Variants in TTC27 observed in about 807,000 individuals in gnomAD.
TTC27 encodes tetratricopeptide repeat protein 27.
Under a neutral mutation model 115.9 loss-of-function variants are expected in TTC27, and 79 were observed. The ratio of observed to expected loss-of-function variants is 0.68; its 90% CI spans 0.57 to 0.82. The LOEUF is 0.82. TTC27 is among the 40% of genes least tolerant of loss of function. TTC27 has a pLI of 0.00. For missense variants in TTC27, 1,054 were observed against 993.1 expected (o/e 1.06, Z -0.82); for synonymous variants, 401 against 356.0 (o/e 1.13, Z -1.42).
At chr2:32,804,078 G>A (rs1671052419) in intron 16 of TTC27, among the ~76,000 whole-genome samples, 1 of 151,470 alleles carries the variant, frequency 6.6e-6, no homozygotes, top group Non-Finnish European at 1.5e-5. Context: ...TAAACATTTG[G>A]AAATGTTTAA....
chr2:32,717,453 C>T (rs1223064685), intron 10 of TTC27, among the ~76,000 whole-genome samples: 1 of 152,168 alleles, frequency 6.6e-6, no homozygotes, highest in East Asian at 1.9e-4. Flanking sequence ...AATCAAGGTC[C>T]AGGGGATTCT....
intron 12 of TTC27, among the ~76,000 whole-genome samples, chr2:32,756,179 C>G (rs1669226781): frequency 6.6e-6 from 1 of 152,200 alleles, no homozygotes; most frequent in Admixed American, 6.5e-5. Context: ...CTGGCTAAAG[C>G]AGAAAGGAAT....
intron 9 of TTC27, among the ~76,000 whole-genome samples, chr2:32,688,392 G>A (rs563732107): frequency 4.6e-5 from 7 of 152,126 alleles, no homozygotes; most frequent in South Asian, 4.1e-4. Flanking sequence ...GACACTAAGC[G>A]CATGAACCAT....
intron 12 of TTC27, among the ~76,000 whole-genome samples, chr2:32,740,693 C>A (rs1328241969): frequency 6.6e-6 from 1 of 152,154 alleles, no homozygotes; most frequent in Non-Finnish European, 1.5e-5. Context: ...TCGCTCTTGT[C>A]GCCCAGGCTG....
chr2:32,648,658 C>T (rs994738118), intron 4 of TTC27, among the ~76,000 whole-genome samples: 1 of 151,668 alleles, frequency 6.6e-6, no homozygotes, highest in African/African-American at 2.4e-5. Context: ...AAAGCATCAG[C>T]GAATAAAAGA....
At chr2:32,709,664 C>T (rs1189582060) in intron 10 of TTC27, among the ~76,000 whole-genome samples, 2 of 148,348 alleles carry the variant, frequency 1.3e-5, no homozygotes, top group Non-Finnish European at 2.9e-5. Flanking sequence ...CCTTCTCTTC[C>T]CTATCACTGG....
intron 10 of TTC27, among the ~76,000 whole-genome samples, chr2:32,703,987 G>T (rs112374615): frequency 1.3e-5 from 2 of 152,196 alleles, no homozygotes; most frequent in Admixed American, 1.3e-4. Context: ...GTTCTCATAC[G>T]ACAGAAGAGT....
intron 12 of TTC27, among the ~76,000 whole-genome samples, chr2:32,751,804 T>C (rs1341625801): frequency 6.6e-6 from 1 of 152,236 alleles, no homozygotes; most frequent in Non-Finnish European, 1.5e-5. Flanking sequence ...GCTTCTTGTT[T>C]ATTTTTATCT....
intron 10 of TTC27, among the ~76,000 whole-genome samples, chr2:32,707,745 C>G (rs1480157083): frequency 6.6e-6 from 1 of 152,058 alleles, no homozygotes; most frequent in East Asian, 1.9e-4. Context: ...TTTATATATT[C>G]CATAGCTCTG....
intron 1 of TTC27, 58 bp from the exon 2 acceptor site, chr2:32,630,465 C>T: frequency 7.3e-7 from 1 of 1,375,806 alleles, no homozygotes; most frequent in East Asian, 2.3e-5. Context: ...TAGTGTTATC[C>T]TTTACGGTAT....
rs76730477 is a variant in TTC27, at chr2:32,723,104, G to T, written c.1234-10724G>T. On this transcript the variant is annotated intron_variant, in intron 10 of 19. Transcript: ENST00000317907. Reference sequence around the variant, plus strand: ...GAAAAGTAGGTAATAATAAAGGAATGTATTAATGGGATGAAGTAAAATATA... The same window carrying T: ...GAAAAGTAGGTAATAATAAAGGAATTTATTAATGGGATGAAGTAAAATATA... 6.7e-3 allele frequency among the ~76,000 whole-genome samples: 1,016 copies of T among 152,282 alleles called. 16 individuals are homozygous for T. The highest frequency in any genetic ancestry group is 0.023 in the African/African-American group (972 of 41,552).
chr2:32,733,922 A>G lies in TTC27; in HGVS notation c.1328A>G (p.Gln443Arg). 1 of 1,606,686 alleles carries G rather than the reference A, an allele frequency of 6.2e-7. No homozygotes were observed. The highest frequency in any genetic ancestry group is 8.5e-7 in the Non-Finnish European group (1 of 1,175,348). The change falls in exon 11 of 20, where the codon CAG becomes CGG. Residue 443 changes from glutamine to arginine, a missense_variant and splice_region_variant. Transcript: ENST00000317907. ...CCQVPPHWAI[Q>R]RQLASLLFEL... ...CAAGTACCACCTCACTGGGCCATTC[A>G]GGTATTTCTGTTGTTTGTCATTGGG...
intron 10 of TTC27, among the ~76,000 whole-genome samples, chr2:32,729,359 C>G (rs1338211392): frequency 6.6e-6 from 1 of 152,128 alleles, no homozygotes; most frequent in African/African-American, 2.4e-5. Flanking sequence ...TGGGAAATTC[C>G]TTCTCTGTTG....
intron 4 of TTC27, among the ~76,000 whole-genome samples, chr2:32,645,308 T>G (rs1218485914): frequency 6.6e-6 from 1 of 152,184 alleles, no homozygotes; most frequent in Non-Finnish European, 1.5e-5. Context: ...AGTTAATTTC[T>G]CTGAATATCA....
chr2:32,795,781 G>T (rs1670684240), intron 16 of TTC27, among the ~76,000 whole-genome samples: 1 of 142,566 alleles, frequency 7.0e-6, no homozygotes, highest in Non-Finnish European at 1.5e-5. Context: ...GTTTCACTGT[G>T]TTGGCCAGGC....
At chr2:32,653,910 T>G (rs1665226043) in intron 5 of TTC27, among the ~76,000 whole-genome samples, 1 of 152,184 alleles carries the variant, frequency 6.6e-6, no homozygotes, top group Admixed American at 6.5e-5. Context: ...AAACCTTGAG[T>G]TATCTATCTT....
At chr2:32,801,254 G>T (rs929239657) in intron 16 of TTC27, among the ~76,000 whole-genome samples, 18 of 152,204 alleles carry the variant, frequency 1.2e-4, no homozygotes, top group African/African-American at 4.3e-4. Flanking sequence ...TAAAGCAAAA[G>T]AAGTTTGTTC....
At chr2:32,675,942 C>T (rs141012361) in intron 8 of TTC27, among the ~76,000 whole-genome samples, 8,920 of 152,002 alleles carry the variant, frequency 0.059, 306 homozygotes, top group East Asian at 0.11. Context: ...CAGGCGCCCA[C>T]CACCATGCTC....
chr2:32,700,636 C>T (rs562986183), intron 9 of TTC27, among the ~76,000 whole-genome samples: 2 of 152,160 alleles, frequency 1.3e-5, no homozygotes, highest in Non-Finnish European at 2.9e-5. Context: ...CTCCCAGGTT[C>T]AAGCGATTCT....
Sources: gnomAD v4.1 joint callset for allele counts (sites outside exome capture counted in the v4.1 genomes callset) on GRCh38, gnomAD v4.1.1 for gene constraint, MANE v1.5 for transcripts, NCBI Gene and HGNC (gene_info 2026-07-23, HGNC 2026-07-21) for gene names.